Variants in ABHD17B observed in about 807,000 individuals in gnomAD.
ABHD17B encodes abhydrolase domain containing 17B, depalmitoylase.
In ABHD17B, 9 loss-of-function variants were observed where a neutral mutation model predicts 26.2. The observed-to-expected ratio is 0.34, with a 90% CI of 0.21 to 0.60. The LOEUF is 0.60. ABHD17B is among the 20% of genes least tolerant of loss of function. The pLI is 0.80. For synonymous variants in ABHD17B, 127 were observed against 122.3 expected (o/e 1.04, Z -0.25); for missense variants, 224 against 352.1 (o/e 0.64, Z 2.91).
Position 71,911,069 on chromosome 9 carries a change from T to C in ABHD17B, c.-439A>G, listed in dbSNP as rs975472565. On this transcript the variant is annotated 5_prime_UTR_variant, in exon 1 of 4. Transcript: ENST00000333421. ...CTAGCCAGGTCTTCCTTCTCTTTAA[T>C]CCTGCTTTCTTTGCTCCTCCTCAGC... 1 of 153,662 alleles carries C rather than the reference T, an allele frequency of 6.5e-6. No homozygotes were observed. Among genetic ancestry groups the C allele is most frequent in the African/African-American group, 2.4e-5 (1 of 41,454 alleles). The allele number at this position is 153,662 out of a possible 1,614,324, so 9.5% of individuals were successfully genotyped here.
intron 1 of ABHD17B, among the ~76,000 whole-genome samples, chr9:71,905,226 G>C (rs567196761): frequency 6.6e-6 from 1 of 151,796 alleles, no homozygotes; most frequent in South Asian, 2.1e-4. Context: ...AGGTTCAAGC[G>C]ATTCTCCTGT....
At chr9:71,871,293 A>G (rs1029465059) in intron 2 of ABHD17B, among the ~76,000 whole-genome samples, 6 of 152,208 alleles carry the variant, frequency 3.9e-5, no homozygotes, top group Admixed American at 1.3e-4. Flanking sequence ...GGGGCATAAT[A>G]CTATTTCAAC....
At chr9:71,905,506 A>G (rs1210203021) in intron 1 of ABHD17B, among the ~76,000 whole-genome samples, 1 of 152,348 alleles carries the variant, frequency 6.6e-6, no homozygotes, top group Admixed American at 6.5e-5. Context: ...AATGCAGACA[A>G]GCAGACCCTC....
At chr9:71,904,611 G>C (rs1827231156) in intron 1 of ABHD17B, among the ~76,000 whole-genome samples, 1 of 152,182 alleles carries the variant, frequency 6.6e-6, no homozygotes, top group South Asian at 2.1e-4. Context: ...TCAATGATTA[G>C]TATTTAAGAG....
chr9:71,863,064 TAAGA>T (rs1013260618), downstream of ABHD17B, among the ~76,000 whole-genome samples: 13 of 152,122 alleles, frequency 8.5e-5, no homozygotes, highest in African/African-American at 3.1e-4. Context: ...TAAATTTGTG[TAAGA>T]AACCTGGAAA....
At chr9:71,889,158 T>C (rs2132174213) in intron 1 of ABHD17B, among the ~76,000 whole-genome samples, 1 of 150,854 alleles carries the variant, frequency 6.6e-6, no homozygotes, top group East Asian at 2.0e-4. Context: ...CTACCAAAAA[T>C]ACAAAAAAAT....
chr9:71,878,972 A>G (rs1470414750), intron 1 of ABHD17B, among the ~76,000 whole-genome samples: 4 of 152,176 alleles, frequency 2.6e-5, no homozygotes, highest in Non-Finnish European at 4.4e-5. Flanking sequence ...CCTGAGCACC[A>G]TGGCAAAACT....
intron 1 of ABHD17B, among the ~76,000 whole-genome samples, chr9:71,888,586 G>T (rs1419734686): frequency 6.6e-6 from 1 of 151,778 alleles, no homozygotes; most frequent in South Asian, 2.1e-4. Context: ...CAAAATTTAA[G>T]GATTATTGAT....
intron 3 of ABHD17B, among the ~76,000 whole-genome samples, chr9:71,868,226 A>AG (rs1458909258): frequency 7.2e-5 from 11 of 151,934 alleles, no homozygotes; most frequent in Non-Finnish European, 1.5e-5. Context: ...CTCAGAAAAA[A>AG]AAAGAAAGAA....
At chr9:71,891,125 T>C (rs1386824375) in intron 1 of ABHD17B, among the ~76,000 whole-genome samples, 2 of 152,238 alleles carry the variant, frequency 1.3e-5, no homozygotes, top group Admixed American at 6.5e-5. Flanking sequence ...TTCAGAATTA[T>C]AGGTTGTTTC....
chr9:71,868,069 A>AG (rs34123223), intron 3 of ABHD17B, among the ~76,000 whole-genome samples: 2 of 150,804 alleles, frequency 1.3e-5, no homozygotes, highest in Non-Finnish European at 3.0e-5. Context: ...AAAAAAAAAA[A>AG]TTAGCCAGGC....
At chr9:71,905,114 T>C (rs1026078269) in intron 1 of ABHD17B, among the ~76,000 whole-genome samples, 1 of 151,298 alleles carries the variant, frequency 6.6e-6, no homozygotes, top group Admixed American at 6.6e-5. Context: ...TGCTAAAGAG[T>C]GGAAGAAGTT....
At chr9:71,862,667 T>C, downstream of ABHD17B, 1 of 789,062 alleles carries the variant, frequency 1.3e-6, no homozygotes, top group Middle Eastern at 2.3e-4. Context: ...TGAGTTTATG[T>C]GGCTTTCCAT....
intron 1 of ABHD17B, among the ~76,000 whole-genome samples, chr9:71,895,009 CT>C (rs1826913017): frequency 6.6e-6 from 1 of 152,180 alleles, no homozygotes; most frequent in African/African-American, 2.4e-5. Flanking sequence ...ACAGAAATCA[CT>C]CAAAAGCCAC....
intron 2 of ABHD17B, 59 bp from the exon 3 acceptor site, chr9:71,870,321 C>G (rs997091714): frequency 7.1e-7 from 1 of 1,417,064 alleles, no homozygotes. Flanking sequence ...ATGAAATGTT[C>G]CATCATTCCA....
chr9:71,888,826 A>G (rs1826688715), intron 1 of ABHD17B, among the ~76,000 whole-genome samples: 1 of 152,190 alleles, frequency 6.6e-6, no homozygotes, highest in African/African-American at 2.4e-5. Context: ...TTACCAAACA[A>G]CAACAAAGGT....
chr9:71,888,388 A>G (rs1181069219), intron 1 of ABHD17B, among the ~76,000 whole-genome samples: 7 of 152,188 alleles, frequency 4.6e-5, no homozygotes, highest in Admixed American at 4.6e-4. Flanking sequence ...CCTCAAACTC[A>G]AAGTTCATAG....
intron 1 of ABHD17B, among the ~76,000 whole-genome samples, chr9:71,893,842 C>A (rs1826868690): frequency 6.6e-6 from 1 of 152,162 alleles, no homozygotes; most frequent in Non-Finnish European, 1.5e-5. Flanking sequence ...GTAATCCCAG[C>A]ACTTTGGTAG....
intron 1 of ABHD17B, among the ~76,000 whole-genome samples, chr9:71,890,558 T>C (rs1319734654): frequency 6.6e-6 from 1 of 152,222 alleles, no homozygotes; most frequent in Non-Finnish European, 1.5e-5. Context: ...TTCTCATTAA[T>C]TGGATAATAA....
Sources: allele counts gnomAD v4.1 joint callset (sites outside exome capture counted in the v4.1 genomes callset), GRCh38; gene constraint gnomAD v4.1.1; transcripts MANE v1.5; gene names NCBI Gene and HGNC (gene_info 2026-07-23, HGNC 2026-07-21).